The following SEC24A variants were observed in gnomAD, a reference collection of about 807,000 sequenced individuals.
The protein encoded by SEC24A is protein transport protein Sec24A.
Under a neutral mutation model 129.4 loss-of-function variants are expected in SEC24A, and 93 were observed. That is an observed-to-expected ratio of 0.72 (90% confidence interval 0.61 to 0.85). The LOEUF is 0.85. Ranked by LOEUF, SEC24A falls within the 40% of genes least tolerant of loss-of-function variation. The pLI is 0.00. For synonymous variants in SEC24A, 460 were observed against 467.3 expected (o/e 0.98, Z 0.20); for missense variants, 1,264 against 1,307.4 (o/e 0.97, Z 0.51).
chr5:134,686,308 C>T, intron 9 of SEC24A, among the ~76,000 whole-genome samples: 1 of 151,650 alleles, frequency 6.6e-6, no homozygotes, highest in East Asian at 1.9e-4. Flanking sequence ...AATCTCGGCT[C>T]ACTGCAACCT....
rs1363435601 is a variant in SEC24A, at chr5:134,708,116, G to A, written c.2552-597G>A. Among the ~76,000 whole-genome samples, 6 of 152,150 alleles carry A rather than the reference G, an allele frequency of 3.9e-5. No individual in the cohort carries two copies. The East Asian group carries it at 7.7e-4, about 20-fold the overall frequency. On this transcript the variant is annotated intron_variant, in intron 17 of 22. Coordinates refer to ENST00000398844, the MANE Select transcript of SEC24A (RefSeq NM_021982.3). ...CGCACTCCAGCCTGGGCGACAGAGCGAAACTCTGTCTCTAAATAAATTAAT... is the reference window on the plus strand; with the variant it reads ...CGCACTCCAGCCTGGGCGACAGAGCAAAACTCTGTCTCTAAATAAATTAAT...
chr5:134,690,671 C>T (rs947784260), intron 11 of SEC24A, among the ~76,000 whole-genome samples: 3 of 152,144 alleles, frequency 2.0e-5, no homozygotes, highest in Non-Finnish European at 4.4e-5. Flanking sequence ...AGTGATTATC[C>T]TTGTAATCCT....
chr5:134,648,714 G>GGCT (rs1749939465), upstream of SEC24A: 1 of 165,532 alleles, frequency 6.0e-6, no homozygotes, highest in Admixed American at 6.4e-5. Context: ...GCGCGGCGGC[G>GGCT]GCTGCTGCGA....
intron 1 of SEC24A, among the ~76,000 whole-genome samples, chr5:134,659,364 G>A (rs562619946): frequency 9.8e-4 from 149 of 152,142 alleles, no homozygotes; most frequent in African/African-American, 3.2e-3. Context: ...GAGCCACCGC[G>A]CCTGGCCTCA....
intron 19 of SEC24A, among the ~76,000 whole-genome samples, chr5:134,715,757 G>A (rs955369268): frequency 6.6e-6 from 1 of 150,890 alleles, no homozygotes; most frequent in Non-Finnish European, 1.5e-5. Context: ...AAACCCAGAT[G>A]ACAGGTTGAT....
Position 134,688,270 on chromosome 5 carries a change from C to T in SEC24A, c.1694C>T (p.Pro565Leu). The change falls in exon 11 of 23, where the codon CCT becomes CTT. Residue 565 changes from proline to leucine, a missense_variant. Coordinates refer to ENST00000398844, the MANE Select transcript of SEC24A (RefSeq NM_021982.3). Reference protein sequence around the residue: ...FYGLQESLSQPQMLIVSDIED... With the variant: ...FYGLQESLSQLQMLIVSDIED... ...GGTCTTCAGGAAAGTCTCTCTCAAC[C>T]TCAGATGCTAATAGTTTCAGATATT... is the stretch of plus-strand genomic sequence containing the variant. The T allele has an allele frequency of 1.9e-6, 3 of 1,596,370 alleles. No homozygotes were observed. Among genetic ancestry groups the T allele is most frequent in the Non-Finnish European group, 2.6e-6 (3 of 1,164,054 alleles).
At position 134,708,726 on chromosome 5, in the gene SEC24A, TATGACTGCCAGTCTGA is replaced by T; in HGVS notation, c.2566_2581del (p.Met856ValfsTer7). On this transcript the variant is annotated frameshift_variant, in exon 18 of 23. Coordinates refer to ENST00000398844, the MANE Select transcript of SEC24A (RefSeq NM_021982.3). LOFTEE classifies it high-confidence loss of function. ...CACCTTGCTTAGCTGTTGACAGATC[TATGACTGCCAGTCTGA>T]GTGACGCTCGGGATGCTCTAGTGAA... 6.2e-7 allele frequency: 1 copy of T among 1,613,242 alleles called. No homozygotes were observed. Among genetic ancestry groups the T allele is most frequent in the Non-Finnish European group, 8.5e-7 (1 of 1,179,764 alleles).
At chr5:134,708,915 C>T (rs1218771056) in intron 18 of SEC24A, 27 bp downstream of exon 18, 2 of 1,602,752 alleles carry the variant, frequency 1.2e-6, no homozygotes, top group Middle Eastern at 3.3e-4. Context: ...TAGAAACTAA[C>T]ACAATGATGG....
At chr5:134,679,500 G>A (rs1751186224) in intron 7 of SEC24A, 102 bp from the exon 8 acceptor site, 2 of 722,724 alleles carry the variant, frequency 2.8e-6, no homozygotes, top group Admixed American at 2.8e-5. Flanking sequence ...TCTCTAAAAT[G>A]ATAATATCCC....
intron 4 of SEC24A, among the ~76,000 whole-genome samples, chr5:134,674,174 G>A (rs4958264): frequency 1 from 152,232 of 152,296 alleles, 76,084 homozygotes; most frequent in Middle Eastern, 1. Flanking sequence ...ATAGATTTTA[G>A]TCATTGCTAT....
At chr5:134,669,171 AT>A (rs921367317) in intron 3 of SEC24A, among the ~76,000 whole-genome samples, 95 of 147,538 alleles carry the variant, frequency 6.4e-4, no homozygotes, top group African/African-American at 1.5e-3. Context: ...AGAAAAAAAA[AT>A]TTTTTTTTTT....
chr5:134,673,094 C>T (rs1270036019), intron 4 of SEC24A, among the ~76,000 whole-genome samples: 3 of 132,464 alleles, frequency 2.3e-5, no homozygotes, highest in East Asian at 2.1e-4. Flanking sequence ...CTTGCTGTGT[C>T]GCCCAGATTG....
intron 1 of SEC24A, among the ~76,000 whole-genome samples, chr5:134,653,729 G>A (rs1201259494): frequency 6.6e-6 from 1 of 151,966 alleles, no homozygotes; most frequent in Non-Finnish European, 1.5e-5. Flanking sequence ...TAGGCATGGT[G>A]CGGGCCCAGT....
Position 134,708,858 on chromosome 5 carries a change from C to G in SEC24A, c.2697C>G (p.Phe899Leu). Residue 899 changes from phenylalanine (F) to leucine (L), a missense_variant, in exon 18 of 23, where the codon TTC becomes TTG. By Grantham distance (22) the Phe-to-Leu change is conservative. Coordinates refer to ENST00000398844, the MANE Select transcript of SEC24A (RefSeq NM_021982.3). ...TGGTTCCTTTTTCTTTGCGGCTTTT[C>G]CCACTTTTTGTGTTGGCTCTCCTTA... is the stretch of plus-strand genomic sequence containing the variant. ...GLMVPFSLRL[F>L]PLFVLALLKQ... The G allele has an allele frequency of 6.2e-7, 1 of 1,613,620 alleles. No individual in the cohort carries two copies. Among genetic ancestry groups the G allele is most frequent in the East Asian group, 2.2e-5 (1 of 44,882 alleles).
rs1750628756 is a variant in SEC24A, at chr5:134,665,472, A to AT, written c.566-1351_566-1350insT. ...CTTCGTCTCAGAAAAAAAAAAAAAAAGTGTTCCTTCTGCCTCGGTCTCCCA... is the reference window on the plus strand; with the variant it reads ...CTTCGTCTCAGAAAAAAAAAAAAAAATGTGTTCCTTCTGCCTCGGTCTCCCA... On this transcript the variant is annotated intron_variant, in intron 2 of 22. Transcript: ENST00000398844. Among the ~76,000 whole-genome samples, 5 of 151,430 alleles carry AT rather than the reference A, an allele frequency of 3.3e-5. No individual in the cohort carries two copies. The South Asian group carries it at 1.0e-3, about 32-fold the overall frequency.
chr5:134,683,512 T>C (rs1751345214), intron 9 of SEC24A, among the ~76,000 whole-genome samples: 1 of 152,172 alleles, frequency 6.6e-6, no homozygotes, highest in Non-Finnish European at 1.5e-5. Flanking sequence ...ATTTTTTTGT[T>C]TAACGTTTAT....
intron 11 of SEC24A, among the ~76,000 whole-genome samples, chr5:134,691,654 C>G (rs926148619): frequency 1.3e-5 from 2 of 151,888 alleles, no homozygotes; most frequent in African/African-American, 4.8e-5. Flanking sequence ...AGGTGCCCAC[C>G]ACCACGCCTG....
rs1336046749 is a variant in SEC24A, at chr5:134,727,233, A to G, written c.*2139A>G. On this transcript the variant is annotated 3_prime_UTR_variant, in exon 23 of 23. Transcript: ENST00000398844. ...ATGTAAAGCGACTAATATTTACACT[A>G]TGCCATATTTTTTTTAATTATAGTT... The G allele has an allele frequency of 5.9e-5, 9 of 152,506 alleles. No individual in the cohort carries two copies. The highest frequency in any genetic ancestry group is 1.7e-4 in the African/African-American group (7 of 41,444). 9.4% of individuals were successfully genotyped at this position (152,506 alleles called of 1,614,324 possible).
At chr5:134,685,048 G>T (rs1751402039) in intron 9 of SEC24A, among the ~76,000 whole-genome samples, 1 of 152,106 alleles carries the variant, frequency 6.6e-6, no homozygotes, top group Admixed American at 6.6e-5. Flanking sequence ...ACTACCCATG[G>T]ATCGAAAATG....
Sources: gnomAD v4.1 joint callset for allele counts (sites outside exome capture counted in the v4.1 genomes callset) on GRCh38, gnomAD v4.1.1 for gene constraint, MANE v1.5 for transcripts, NCBI Gene and HGNC (gene_info 2026-07-23, HGNC 2026-07-21) for gene names.